Variants in TCF7L2 observed in about 807,000 individuals in gnomAD.
TCF7L2 encodes the protein transcription factor 7 like 2.
Under a neutral mutation model 77.9 loss-of-function variants are expected in TCF7L2, and 23 were observed. The observed-to-expected ratio is 0.30, with a 90% CI of 0.21 to 0.42. TCF7L2 has a LOEUF of 0.42. Ranked by LOEUF, TCF7L2 falls within the 10% of genes least tolerant of loss-of-function variation. TCF7L2 has a pLI of 1.00. For missense variants in TCF7L2, 654 were observed against 793.1 expected (o/e 0.82, Z 2.11); for synonymous variants, 413 against 340.2 (o/e 1.21, Z -2.36).
chr10:112,969,894 A>G (rs890430491), intron 4 of TCF7L2, among the ~76,000 whole-genome samples: 2 of 152,230 alleles, frequency 1.3e-5, no homozygotes, highest in Non-Finnish European at 2.9e-5. Flanking sequence ...TATTGCCTTC[A>G]TGAAGAAAGC....
intron 5 of TCF7L2, among the ~76,000 whole-genome samples, chr10:113,131,167 C>T (rs1424513522): frequency 6.6e-6 from 1 of 152,156 alleles, no homozygotes; most frequent in East Asian, 1.9e-4. Flanking sequence ...TATGACCAAA[C>T]AGAAATAATC....
chr10:112,994,984 C>T (rs2043205093), intron 4 of TCF7L2, among the ~76,000 whole-genome samples: 1 of 152,072 alleles, frequency 6.6e-6, no homozygotes, highest in African/African-American at 2.4e-5. Context: ...CCTGTAATCC[C>T]AGCTACTCAG....
chr10:113,131,881 T>A (rs1274190624), intron 5 of TCF7L2: 1 of 152,172 alleles, frequency 6.6e-6, no homozygotes, highest in African/African-American at 2.4e-5. Flanking sequence ...TTTGAAAAAA[T>A]TCAACTTTGC....
intron 5 of TCF7L2, among the ~76,000 whole-genome samples, chr10:113,112,370 G>A (rs1241714774): frequency 3.9e-5 from 6 of 152,162 alleles, no homozygotes; most frequent in South Asian, 2.1e-4. Context: ...GCGTGCACAC[G>A]CACACTTCTC....
chr10:113,147,656 C>T (rs1178888609), intron 8 of TCF7L2, among the ~76,000 whole-genome samples: 1 of 152,162 alleles, frequency 6.6e-6, no homozygotes, highest in Non-Finnish European at 1.5e-5. Flanking sequence ...ACATGTCATT[C>T]TATTAGTGTA....
At chr10:113,017,379 CAGTGGTGG>C (rs11279190) in intron 4 of TCF7L2, among the ~76,000 whole-genome samples, 79,042 of 151,526 alleles carry the variant, frequency 0.52, 22,979 homozygotes, top group African/African-American at 0.77. Context: ...AACAAATGAC[CAGTGGTGG>C]AGCGGGAGCT....
chr10:113,014,521 G>C (rs892183607), intron 4 of TCF7L2, among the ~76,000 whole-genome samples: 3 of 152,324 alleles, frequency 2.0e-5, no homozygotes, highest in Admixed American at 1.3e-4. Flanking sequence ...GGCTGGGCGT[G>C]GTGGCGCATG....
intron 4 of TCF7L2, among the ~76,000 whole-genome samples, chr10:112,998,806 A>G (rs1032129324): frequency 5.9e-5 from 9 of 152,216 alleles, no homozygotes; most frequent in African/African-American, 1.9e-4. Flanking sequence ...CTGACTGGCA[A>G]CAATACATAG....
intron 5 of TCF7L2, among the ~76,000 whole-genome samples, chr10:113,091,533 C>T (rs2060407209): frequency 6.6e-6 from 1 of 151,954 alleles, no homozygotes; most frequent in Non-Finnish European, 1.5e-5. Context: ...GAGTTCAAGA[C>T]CAGTGAAACC....
chr10:113,059,742 C>T (rs1244852581), intron 5 of TCF7L2, among the ~76,000 whole-genome samples: 2 of 151,834 alleles, frequency 1.3e-5, no homozygotes, highest in Admixed American at 1.3e-4. Context: ...TGTTTACTGC[C>T]CAAAGCTGGC....
chr10:112,989,483 A>T (rs1457746638), intron 4 of TCF7L2, among the ~76,000 whole-genome samples: 1 of 152,126 alleles, frequency 6.6e-6, no homozygotes, highest in Admixed American at 6.5e-5. Context: ...GGAAGAAAAA[A>T]AAATTGCTAG....
In TCF7L2 at chr10:113,018,923, G is replaced by A. The variant is rs567221119; in HGVS notation, c.451-21102G>A. On this transcript the variant is annotated intron_variant, in intron 4 of 13. Coordinates refer to ENST00000627217, the MANE Select transcript of TCF7L2 (RefSeq NM_001146274.2). ...CAGGGCCTGGCTCTGGGAGGCAGCT[G>A]GGAGAGTCAGGAAGTGAAGAAAGTT... is the stretch of plus-strand genomic sequence containing the variant. 2.0e-5 allele frequency among the ~76,000 whole-genome samples: 3 copies of A among 152,308 alleles called. No homozygotes were observed. In the South Asian group the frequency reaches 6.2e-4, roughly 32 times the overall value.
chr10:113,025,485 C>T (rs923337910), intron 4 of TCF7L2, among the ~76,000 whole-genome samples: 1 of 152,068 alleles, frequency 6.6e-6, no homozygotes, highest in Non-Finnish European at 1.5e-5. Context: ...GTGATCTGCC[C>T]ACCTTGGCCT....
At chr10:112,968,664 C>T (rs995678878) in intron 4 of TCF7L2, among the ~76,000 whole-genome samples, 10 of 151,980 alleles carry the variant, frequency 6.6e-5, no homozygotes, top group Non-Finnish European at 1.2e-4. Context: ...CTGCAACCTC[C>T]GCCTCCCAGG....
intron 4 of TCF7L2, among the ~76,000 whole-genome samples, chr10:113,035,378 A>G (rs914072835): frequency 6.6e-6 from 1 of 152,228 alleles, no homozygotes; most frequent in Non-Finnish European, 1.5e-5. Flanking sequence ...ATGACAAACT[A>G]TGGCCCATAG....
At chr10:113,140,634 G>GT (rs1274707529) in intron 5 of TCF7L2, among the ~76,000 whole-genome samples, 1 of 152,168 alleles carries the variant, frequency 6.6e-6, no homozygotes, top group African/African-American at 2.4e-5. Context: ...CATCCATGCT[G>GT]TCTGTGAAGG....
At chr10:112,951,071 G>T (rs2030871396) in intron 1 of TCF7L2, 126 bp downstream of exon 1, 1 of 1,348,202 alleles carries the variant, frequency 7.4e-7, no homozygotes, top group Admixed American at 2.5e-5. Flanking sequence ...TGTGCGTACG[G>T]TGCCACCATT....
intron 4 of TCF7L2, among the ~76,000 whole-genome samples, chr10:112,970,892 C>T (rs2038097687): frequency 6.6e-6 from 1 of 152,170 alleles, no homozygotes; most frequent in Non-Finnish European, 1.5e-5. Flanking sequence ...CTGTAGCAGA[C>T]TTAGGCTGTG....
At chr10:113,015,089 G>C (rs2133726438) in intron 4 of TCF7L2, among the ~76,000 whole-genome samples, 1 of 152,288 alleles carries the variant, frequency 6.6e-6, no homozygotes, top group South Asian at 2.1e-4. Context: ...GGGAGGCTGA[G>C]GCAGGAGAAT....
Sources: gnomAD v4.1 joint callset for allele counts (sites outside exome capture counted in the v4.1 genomes callset) on GRCh38, gnomAD v4.1.1 for gene constraint, MANE v1.5 for transcripts, NCBI Gene and HGNC (gene_info 2026-07-23, HGNC 2026-07-21) for gene names.